Variants in NFIB observed in about 807,000 individuals in gnomAD.
NFIB encodes the protein nuclear factor 1 B-type.
A neutral mutation model predicts 61.5 loss-of-function variants in NFIB; 11 were observed. The observed-to-expected ratio is 0.18, with a 90% confidence interval of 0.11 to 0.30. The LOEUF (loss-of-function observed/expected upper bound fraction) is 0.30. NFIB is among the 10% of genes least tolerant of loss of function. NFIB has a pLI of 1.00. For synonymous variants in NFIB, 260 were observed against 216.5 expected (o/e 1.20, Z -1.76); for missense variants, 471 against 608.9 (o/e 0.77, Z 2.38).
intron 2 of NFIB, among the ~76,000 whole-genome samples, chr9:14,231,157 T>A (rs2053145481): frequency 7.1e-6 from 1 of 140,696 alleles, no homozygotes; most frequent in Non-Finnish European, 1.5e-5. Context: ...TATATATATA[T>A]ATATATATAT....
At chr9:14,162,975 A>T (rs1318672826) in intron 3 of NFIB, among the ~76,000 whole-genome samples, 1 of 152,032 alleles carries the variant, frequency 6.6e-6, no homozygotes, top group African/African-American at 2.4e-5. Context: ...CATACTAGCT[A>T]AAAAGGCAGC....
chr9:14,391,561 A>G (rs1038105789), intron 1 of NFIB, among the ~76,000 whole-genome samples: 1 of 151,080 alleles, frequency 6.6e-6, no homozygotes, highest in Non-Finnish European at 1.5e-5. Flanking sequence ...AAGAGGATTT[A>G]AATGAAATAT....
chr9:14,495,977 A>G, the NFIB span, among the ~76,000 whole-genome samples: 1 of 152,310 alleles, frequency 6.6e-6, no homozygotes, highest in African/African-American at 2.4e-5. Flanking sequence ...CTAAGTCTTC[A>G]TCTCTTCACC....
chr9:14,433,927 C>A, the NFIB span, among the ~76,000 whole-genome samples: 1 of 152,188 alleles, frequency 6.6e-6, no homozygotes, highest in Non-Finnish European at 1.5e-5. Context: ...CTTCCAAAAA[C>A]CTTCTCCCCT....
At chr9:14,345,587 A>G (rs1299763620) in intron 1 of NFIB, among the ~76,000 whole-genome samples, 2 of 152,184 alleles carry the variant, frequency 1.3e-5, no homozygotes, top group Non-Finnish European at 2.9e-5. Flanking sequence ...GCAAACGCAA[A>G]TCAGAGCCGT....
intron 7 of NFIB, among the ~76,000 whole-genome samples, chr9:14,121,250 C>T (rs2038896230): frequency 6.6e-6 from 1 of 152,250 alleles, no homozygotes. Flanking sequence ...GTGACAGAAC[C>T]CCATCTCAAA....
chr9:14,414,550 G>T, the NFIB span, among the ~76,000 whole-genome samples: 7 of 132,654 alleles, frequency 5.3e-5, no homozygotes, highest in Non-Finnish European at 9.3e-5. Context: ...TTTAGTGACC[G>T]TAAGTAGATG....
the NFIB span, among the ~76,000 whole-genome samples, chr9:14,522,473 A>T: frequency 6.6e-6 from 1 of 152,222 alleles, no homozygotes; most frequent in Non-Finnish European, 1.5e-5. Context: ...TATGGATAAA[A>T]AAAAGCATTG....
intron 3 of NFIB, among the ~76,000 whole-genome samples, chr9:14,175,334 C>G (rs535344899): frequency 2.6e-5 from 4 of 151,516 alleles, no homozygotes; most frequent in African/African-American, 9.7e-5. Flanking sequence ...CCACCATGCC[C>G]GGCTAATTTT....
Position 14,307,519 on chromosome 9 carries a change from T to C in NFIB, c.32A>G (p.Asp11Gly), listed in dbSNP as rs1295103320. 6.3e-7 allele frequency: 1 copy of C among 1,598,674 alleles called. No individual in the cohort carries two copies. Among genetic ancestry groups the C allele is most frequent in the African/African-American group, 1.3e-5 (1 of 74,488 alleles). Reference sequence around the variant, plus strand: ...TGCCTCGATGAATGGGTGAAATTCATCCTGTGGAAGACAGAGGGGTGAGGA... The same window carrying C: ...TGCCTCGATGAATGGGTGAAATTCACCCTGTGGAAGACAGAGGGGTGAGGA... MMYSPICLTQ[D>G]EFHPFIEALL... Residue 11 changes from aspartate (D) to glycine (G), a missense_variant and splice_region_variant, in exon 2 of 11, where the codon GAT (aspartate) becomes GGT (glycine). Asp to Gly is a moderately conservative substitution (Grantham distance 94). Around this residue, in one of 2 missense-constraint regions of NFIB, gnomAD observed 99 missense variants for 213.3 expected, o/e 0.46. Coordinates refer to ENST00000380953, the MANE Select transcript of NFIB (RefSeq NM_001190737.2). This position sits in a 1 kb window ranked among gnomAD's most constrained non-coding sequence, Gnocchi z 5.3.
chr9:14,173,371 C>G (rs1404089521), intron 3 of NFIB, among the ~76,000 whole-genome samples: 1 of 152,168 alleles, frequency 6.6e-6, no homozygotes, highest in Non-Finnish European at 1.5e-5. Context: ...TGAACTCCTA[C>G]AAGACCTGCA....
chr9:14,438,587 G>A, the NFIB span, among the ~76,000 whole-genome samples: 3 of 152,146 alleles, frequency 2.0e-5, no homozygotes, highest in Admixed American at 6.5e-5. Context: ...GAGAGGGGTT[G>A]TTGGTTGGTG....
the NFIB span, among the ~76,000 whole-genome samples, chr9:14,437,687 G>A: frequency 6.6e-6 from 1 of 152,130 alleles, no homozygotes; most frequent in Admixed American, 6.5e-5. Context: ...CCCGGGACCG[G>A]AGGGGGTCCC....
In NFIB at chr9:14,148,284, T is replaced by C. The variant is rs533131281; in HGVS notation, c.807-1477A>G. 7.2e-5 allele frequency among the ~76,000 whole-genome samples: 11 copies of C among 151,966 alleles called. No individual in the cohort carries two copies. In the South Asian group the frequency reaches 1.9e-3, roughly 26 times the overall value. On this transcript the variant is annotated intron_variant, in intron 5 of 10. Transcript: ENST00000380953. ...ATCACACACACATGCCACCAAGCCT[T>C]GCTAATTAAAAAAATTTTTTGTAGA...
the NFIB span, among the ~76,000 whole-genome samples, chr9:14,475,652 C>G: frequency 6.6e-6 from 1 of 152,122 alleles, no homozygotes. Flanking sequence ...CATGTCCCAT[C>G]TCCTTGACCT....
chr9:14,190,030 T>C (rs1346782369), intron 2 of NFIB, among the ~76,000 whole-genome samples: 1 of 152,168 alleles, frequency 6.6e-6, no homozygotes, highest in Non-Finnish European at 1.5e-5. Context: ...GCTCATTTTT[T>C]CATAGGCATA....
At chr9:14,295,859 G>C (rs983446863) in intron 2 of NFIB, among the ~76,000 whole-genome samples, 1 of 152,294 alleles carries the variant, frequency 6.6e-6, no homozygotes, top group South Asian at 2.1e-4. Flanking sequence ...TATTCAGAGA[G>C]CCACTAATAA....
At chr9:14,275,548 C>T (rs1266337276) in intron 2 of NFIB, among the ~76,000 whole-genome samples, 1 of 152,082 alleles carries the variant, frequency 6.6e-6, no homozygotes, top group Non-Finnish European at 1.5e-5. Context: ...CAAGCAGTAT[C>T]CTTGAAGAAT....
intron 2 of NFIB, chr9:14,204,899 G>C (rs1223340293): frequency 5.6e-6 from 2 of 359,760 alleles, no homozygotes; most frequent in Non-Finnish European, 1.1e-5. Context: ...GGTTAAGCTG[G>C]TGGTAGCTAT....
Sources: allele counts gnomAD v4.1 joint callset (sites outside exome capture counted in the v4.1 genomes callset), GRCh38; gene constraint gnomAD v4.1.1; regional missense constraint gnomAD v4.1.1; non-coding constraint Gnocchi (gnomAD v3.1); transcripts MANE v1.5; gene names NCBI Gene and HGNC (gene_info 2026-07-23, HGNC 2026-07-21).